Variants in TAFA1 observed in about 807,000 individuals in gnomAD.
The protein encoded by TAFA1 is chemokine-like protein TAFA-1.
TAFA1 carries 4 observed loss-of-function variants against 18.5 expected under a neutral mutation model. The observed-to-expected ratio is 0.22, with a 90% CI of 0.11 to 0.49. The LOEUF (loss-of-function observed/expected upper bound fraction) is 0.49. Among genes scored for constraint, TAFA1 ranks in the 20% least tolerant of loss-of-function variants. TAFA1 has a pLI of 0.98. For missense variants in TAFA1, 147 were observed against 169.0 expected, an observed-to-expected ratio of 0.87 and a Z score of 0.72; for synonymous variants, 56 against 55.2, an observed-to-expected ratio of 1.01 and a Z score of -0.06.
chr3:68,069,390 A>G (rs2064723544), intron 2 of TAFA1, among the ~76,000 whole-genome samples: 1 of 152,164 alleles, frequency 6.6e-6, no homozygotes, highest in South Asian at 2.1e-4. Flanking sequence ...AGACTTATTT[A>G]CTATCATGAG....
chr3:68,407,970 T>C (rs2070642579), intron 2 of TAFA1, among the ~76,000 whole-genome samples: 1 of 152,178 alleles, frequency 6.6e-6, no homozygotes, highest in Admixed American at 6.6e-5. Context: ...ACAAAGACAC[T>C]CAGAGCTTCT....
intron 3 of TAFA1, among the ~76,000 whole-genome samples, chr3:68,440,913 CA>C (rs1451789469): frequency 2.0e-5 from 3 of 152,124 alleles, no homozygotes; most frequent in Non-Finnish European, 4.4e-5. Context: ...TCTTAACTTC[CA>C]ATTTAATGGA....
At chr3:68,219,928 T>C (rs894856640) in intron 2 of TAFA1, among the ~76,000 whole-genome samples, 5 of 152,106 alleles carry the variant, frequency 3.3e-5, no homozygotes. Context: ...CAGAAAAAAA[T>C]AGGAGACCTT....
At chr3:68,005,926 T>C (rs1465261091) in intron 1 of TAFA1, among the ~76,000 whole-genome samples, 1 of 152,212 alleles carries the variant, frequency 6.6e-6, no homozygotes. Context: ...ATGCCACCTG[T>C]ATATGCATAT....
At chr3:68,346,750 A>C (rs1285430232) in intron 2 of TAFA1, among the ~76,000 whole-genome samples, 1 of 152,174 alleles carries the variant, frequency 6.6e-6, no homozygotes, top group African/African-American at 2.4e-5. Flanking sequence ...CACAAGTTTA[A>C]ATTTTCTGTC....
chr3:68,198,386 C>A (rs2107032515), intron 2 of TAFA1, among the ~76,000 whole-genome samples: 1 of 151,662 alleles, frequency 6.6e-6, no homozygotes, highest in South Asian at 2.1e-4. Flanking sequence ...GGGTAAATAT[C>A]AAGGAACACA....
At chr3:68,397,040 A>C (rs982989114) in intron 2 of TAFA1, among the ~76,000 whole-genome samples, 1 of 152,186 alleles carries the variant, frequency 6.6e-6, no homozygotes, top group Non-Finnish European at 1.5e-5. Context: ...GAAAAATCTT[A>C]GTATTAACCA....
chr3:68,293,390 A>G (rs969485235), intron 2 of TAFA1, among the ~76,000 whole-genome samples: 1 of 152,216 alleles, frequency 6.6e-6, no homozygotes, highest in Non-Finnish European at 1.5e-5. Flanking sequence ...CTTAAAGTAA[A>G]ATAAAAATAG....
At chr3:68,104,904 T>C (rs2065187540) in intron 2 of TAFA1, among the ~76,000 whole-genome samples, 1 of 152,122 alleles carries the variant, frequency 6.6e-6, no homozygotes, top group Non-Finnish European at 1.5e-5. Flanking sequence ...TACCTGAGAC[T>C]GGGTAATTTA....
At chr3:68,316,644 T>C (rs1412588308) in intron 2 of TAFA1, among the ~76,000 whole-genome samples, 1 of 152,178 alleles carries the variant, frequency 6.6e-6, no homozygotes, top group African/African-American at 2.4e-5. Context: ...ATTCATTAGA[T>C]TCCAATTTTT....
intron 2 of TAFA1, among the ~76,000 whole-genome samples, chr3:68,366,064 C>T (rs1305166075): frequency 2.4e-5 from 3 of 123,054 alleles, no homozygotes; most frequent in Admixed American, 2.1e-4. Context: ...CCAGCCTGGG[C>T]AACAGAGCGA....
intron 2 of TAFA1, among the ~76,000 whole-genome samples, chr3:68,274,151 GTC>G (rs1370770119): frequency 6.6e-6 from 1 of 152,152 alleles, no homozygotes; most frequent in African/African-American, 2.4e-5. Context: ...TTTCAAAACA[GTC>G]TATTCAGTTG....
At chr3:68,040,263 C>T (rs993253053) in intron 2 of TAFA1, among the ~76,000 whole-genome samples, 4 of 152,156 alleles carry the variant, frequency 2.6e-5, no homozygotes, top group Non-Finnish European at 4.4e-5. Flanking sequence ...CCTGCTCCAT[C>T]GTTCAGTCAC....
chr3:68,481,627 T>A (rs555757964), intron 3 of TAFA1, among the ~76,000 whole-genome samples: 2 of 152,334 alleles, frequency 1.3e-5, no homozygotes, highest in East Asian at 1.9e-4. Context: ...AAAATTAGAC[T>A]ATTACCTTAC....
intron 3 of TAFA1, among the ~76,000 whole-genome samples, chr3:68,523,718 G>T (rs535868750): frequency 6.6e-6 from 1 of 152,080 alleles, no homozygotes; most frequent in Non-Finnish European, 1.5e-5. Context: ...GTGTATTATG[G>T]AAAAGATTGT....
At chr3:68,497,036 T>C (rs967527908) in intron 3 of TAFA1, among the ~76,000 whole-genome samples, 1 of 152,048 alleles carries the variant, frequency 6.6e-6, no homozygotes. Context: ...AAAAAGAAAA[T>C]GGCCACTTGG....
At chr3:68,279,062 C>T (rs941313040) in intron 2 of TAFA1, among the ~76,000 whole-genome samples, 3 of 152,062 alleles carry the variant, frequency 2.0e-5, no homozygotes, top group African/African-American at 7.2e-5. Context: ...AGTATCAGGT[C>T]CTCAGTGGCC....
rs375723294 is a variant in TAFA1, at chr3:68,398,308, C to T, written c.119-18972C>T. Among the ~76,000 whole-genome samples the T allele has an allele frequency of 3.9e-5, 6 of 152,252 alleles. No individual in the cohort carries two copies. The South Asian group carries it at 6.2e-4, about 16-fold the overall frequency. On this transcript the variant is annotated intron_variant, in intron 2 of 4. Coordinates refer to ENST00000478136, the MANE Select transcript of TAFA1 (RefSeq NM_213609.4). ...TGATCTTCCACAAACCTGACAAAAA[C>T]AAGCAATGGGGAAAGGATTCCCTAT...
chr3:68,096,990 A>G (rs1305361490), intron 2 of TAFA1, among the ~76,000 whole-genome samples: 1 of 152,088 alleles, frequency 6.6e-6, no homozygotes, highest in Admixed American at 6.6e-5. Context: ...CTGGGGCCTG[A>G]TTGAATATTT....
Sources: allele counts gnomAD v4.1 joint callset (sites outside exome capture counted in the v4.1 genomes callset), GRCh38; gene constraint gnomAD v4.1.1; transcripts MANE v1.5; gene names NCBI Gene and HGNC (gene_info 2026-07-23, HGNC 2026-07-21).